The following CEP128 variants were observed in gnomAD, a reference collection of about 807,000 sequenced individuals.
The protein encoded by CEP128 is centrosomal protein 128.
CEP128 carries 132 observed loss-of-function variants against 156.7 expected under a neutral mutation model. The observed-to-expected ratio is 0.84, with a 90% CI of 0.73 to 0.97. The LOEUF (loss-of-function observed/expected upper bound fraction) is 0.97. Ranked by LOEUF, CEP128 falls within the 50% of genes least tolerant of loss-of-function variation. The pLI is 0.00. For missense variants in CEP128, 1,252 were observed against 1,281.9 expected (o/e 0.98, Z 0.36); for synonymous variants, 469 against 448.9 (o/e 1.04, Z -0.57).
intron 9 of CEP128, 138 bp from the exon 10 acceptor site, chr14:80,840,906 T>G: frequency 1.6e-6 from 1 of 610,602 alleles, no homozygotes; most frequent in Non-Finnish European, 2.9e-6. Flanking sequence ...AGTCTGCTCA[T>G]AAGAACACTT....
At chr14:80,641,628 T>C (rs1894411165) in intron 19 of CEP128, among the ~76,000 whole-genome samples, 1 of 152,242 alleles carries the variant, frequency 6.6e-6, no homozygotes, top group African/African-American at 2.4e-5. Flanking sequence ...AAAGTATTTA[T>C]GGCTGCTGAA....
At chr14:80,947,443 C>T (rs1465219370) in intron 2 of CEP128, among the ~76,000 whole-genome samples, 1 of 152,044 alleles carries the variant, frequency 6.6e-6, no homozygotes, top group African/African-American at 2.4e-5. Flanking sequence ...TCAGATAGGA[C>T]AGGATGTGTA....
At chr14:80,573,338 T>A (rs1285727577) in intron 20 of CEP128, among the ~76,000 whole-genome samples, 2 of 152,164 alleles carry the variant, frequency 1.3e-5, no homozygotes, top group Non-Finnish European at 2.9e-5. Context: ...AAATGATGTG[T>A]GTGTTTTTAG....
intron 8 of CEP128, among the ~76,000 whole-genome samples, chr14:80,886,543 A>C (rs1211098293): frequency 6.6e-6 from 1 of 152,226 alleles, no homozygotes; most frequent in East Asian, 1.9e-4. Flanking sequence ...TTCATAACTG[A>C]AGGAGAAATA....
intron 19 of CEP128, among the ~76,000 whole-genome samples, chr14:80,741,084 C>CA (rs1898808894): frequency 6.6e-6 from 1 of 152,130 alleles, no homozygotes; most frequent in Non-Finnish European, 1.5e-5. Context: ...GCCAAAACTA[C>CA]AACCACCCAG....
intron 1 of CEP128, among the ~76,000 whole-genome samples, chr14:80,959,278 GA>G (rs890352742): frequency 2.0e-5 from 3 of 151,854 alleles, no homozygotes; most frequent in Non-Finnish European, 4.4e-5. Context: ...TAGGTAGTTT[GA>G]AAAAAATCAC....
In CEP128 at chr14:80,725,610, C is replaced by A. The variant is rs140159054; in HGVS notation, c.2806+17465G>T. 2.4e-4 allele frequency among the ~76,000 whole-genome samples: 36 copies of A among 152,120 alleles called. No individual in the cohort carries two copies. The East Asian group carries it at 6.6e-3, about 28-fold the overall frequency. ...CCATAACTGATGAAAATTTAATATC[C>A]AAGCAGGAAAAGTTTTCTGACTCCA... On this transcript the variant is annotated intron_variant, in intron 19 of 24. Transcript: ENST00000555265.
chr14:80,917,664 G>A (rs1015580206), intron 2 of CEP128, among the ~76,000 whole-genome samples: 8 of 152,042 alleles, frequency 5.3e-5, no homozygotes, highest in Non-Finnish European at 7.4e-5. Context: ...TCAGCCTCCC[G>A]AGAAAACATT....
chr14:80,507,113 C>T (rs1229412052), intron 23 of CEP128, among the ~76,000 whole-genome samples: 6 of 151,788 alleles, frequency 4.0e-5, no homozygotes, highest in Non-Finnish European at 5.9e-5. Context: ...CCTGAGGCCT[C>T]CCCAAAGCCA....
intron 20 of CEP128, among the ~76,000 whole-genome samples, chr14:80,568,120 A>T (rs1232179690): frequency 1.3e-5 from 2 of 152,158 alleles, no homozygotes; most frequent in Non-Finnish European, 2.9e-5. Flanking sequence ...TTTCAGGTAC[A>T]CAAAGGGTTG....
rs200610505 is a variant in CEP128 at position 80,740,494 on chromosome 14, CTAGATAGATAGATAGATAGATAGATAGA to C, written c.2806+2553_2806+2580del. The stretch of plus-strand genomic sequence containing the variant: ...CACACACACAGATTCATATTTATAT[CTAGATAGATAGATAGATAGATAGATAGA>C]TAGATAGATAGATAGATAGATAGAC... On this transcript the variant is annotated intron_variant, in intron 19 of 24. Transcript: ENST00000555265. Among the ~76,000 whole-genome samples the C allele has an allele frequency of 2.8e-5, 4 of 140,914 alleles. No homozygotes were observed. In the East Asian group the frequency reaches 8.5e-4, roughly 30 times the overall value. The allele number at this position is 140,914 out of a possible 152,430, so 92.4% of individuals were successfully genotyped here. A position where few individuals can be genotyped will look rare whatever the true frequency, so the allele number is the denominator to read the frequency against.
chr14:80,621,174 A>T (rs2140657573), intron 19 of CEP128, among the ~76,000 whole-genome samples: 1 of 152,190 alleles, frequency 6.6e-6, no homozygotes, highest in East Asian at 1.9e-4. Context: ...AAAATATCTC[A>T]TAATTTTTTT....
At chr14:80,854,633 ATAAGCCTGTATTG>A (rs961644724) in intron 9 of CEP128, among the ~76,000 whole-genome samples, 3 of 152,188 alleles carry the variant, frequency 2.0e-5, no homozygotes, top group African/African-American at 7.2e-5. Context: ...AAATAAATAA[ATAAGCCTGTATTG>A]TAAGAGAATG....
intron 19 of CEP128, among the ~76,000 whole-genome samples, chr14:80,631,005 T>C (rs1285926904): frequency 6.6e-6 from 1 of 152,052 alleles, no homozygotes; most frequent in African/African-American, 2.4e-5. Context: ...TTTTTATCTT[T>C]GTATTAAGAA....
At chr14:80,791,438 T>C (rs1026278001) in intron 14 of CEP128, among the ~76,000 whole-genome samples, 4 of 152,186 alleles carry the variant, frequency 2.6e-5, no homozygotes, top group African/African-American at 9.7e-5. Context: ...CACCATGGAC[T>C]GGAATTACTG....
intron 19 of CEP128, among the ~76,000 whole-genome samples, chr14:80,742,145 A>G (rs377638915): frequency 1.3e-5 from 2 of 152,232 alleles, no homozygotes; most frequent in African/African-American, 2.4e-5. Context: ...GTACTGTTAC[A>G]ATATTTTTCA....
chr14:80,882,874 G>C (rs573361550), intron 8 of CEP128, among the ~76,000 whole-genome samples: 7 of 152,218 alleles, frequency 4.6e-5, no homozygotes, highest in African/African-American at 1.4e-4. Context: ...TGGAGATAAA[G>C]AGTACAAGGA....
chr14:80,624,030 C>T (rs1360182071), intron 19 of CEP128, among the ~76,000 whole-genome samples: 1 of 152,160 alleles, frequency 6.6e-6, no homozygotes, highest in Non-Finnish European at 1.5e-5. Flanking sequence ...ATTTATTCTT[C>T]CCATCTAGCT....
chr14:80,778,829 T>A (rs1900943800), intron 15 of CEP128, among the ~76,000 whole-genome samples: 1 of 152,220 alleles, frequency 6.6e-6, no homozygotes, highest in African/African-American at 2.4e-5. Flanking sequence ...GTAAACACTA[T>A]GTGCCAGACA....
Sources: allele counts gnomAD v4.1 joint callset (sites outside exome capture counted in the v4.1 genomes callset), GRCh38; gene constraint gnomAD v4.1.1; transcripts MANE v1.5; gene names NCBI Gene and HGNC (gene_info 2026-07-23, HGNC 2026-07-21).